The following CPSF4 variants were observed in gnomAD, a reference collection of about 807,000 sequenced individuals.
CPSF4 encodes the protein cleavage and polyadenylation specificity factor subunit 4.
In CPSF4, 11 loss-of-function variants were observed where a neutral mutation model predicts 37.7. The ratio of observed to expected loss-of-function variants is 0.29; its 90% CI spans 0.18 to 0.48. CPSF4 has a LOEUF of 0.48. Among genes scored for constraint, CPSF4 ranks in the 20% least tolerant of loss-of-function variants. The probability of loss-of-function intolerance (pLI) is 0.99; values close to 1 mark genes in which losing one functional copy is unlikely to be tolerated. For missense variants in CPSF4, 144 were observed against 359.5 expected (o/e 0.40, Z 4.85); for synonymous variants, 132 against 135.9 (o/e 0.97, Z 0.20).
chr7:99,452,137 G>A (rs1030050544), intron 5 of CPSF4, among the ~76,000 whole-genome samples: 1 of 152,096 alleles, frequency 6.6e-6, no homozygotes, highest in African/African-American at 2.4e-5. Flanking sequence ...GGTTGGGTCT[G>A]AGCCCAGGCA....
chr7:99,440,674 A>ATATATATTT lies in CPSF4; in HGVS notation c.103+1490_103+1491insATATATTTT. On this transcript the variant is annotated intron_variant, in intron 1 of 7. Coordinates refer to ENST00000292476, the MANE Select transcript of CPSF4 (RefSeq NM_006693.4). The stretch of plus-strand genomic sequence containing the variant: ...ACCTGGCATATATATATATATATAT[A>ATATATATTT]TTTTTTTTTTTTTTTTTTTCCTGCC... Among the ~76,000 whole-genome samples, 302 of 88,050 alleles carry ATATATATTT rather than the reference A, an allele frequency of 3.4e-3. 15 individuals are homozygous for ATATATATTT. Among genetic ancestry groups the ATATATATTT allele is most frequent in the African/African-American group, 0.027 (281 of 10,274 alleles). The allele number at this position is 88,050 out of a possible 152,430, so 57.8% of individuals were successfully genotyped here.
chr7:99,442,536 G>T (rs1278698723), intron 1 of CPSF4, among the ~76,000 whole-genome samples: 1 of 150,486 alleles, frequency 6.6e-6, no homozygotes, highest in Non-Finnish European at 1.5e-5. Context: ...GGTGCCTGTA[G>T]TCCCAGCTAC....
rs779938093 is a variant in CPSF4 at position 99,456,993 on chromosome 7, A to G, written c.*493A>G. ...TTGAATGAGGGAGCCCTTTGGGGCA[A>G]ATTCAGGTGCCCCCATTGCCTCAGG... On this transcript the variant is annotated 3_prime_UTR_variant, in exon 8 of 8. Coordinates refer to ENST00000292476, the MANE Select transcript of CPSF4 (RefSeq NM_006693.4). 3.1e-5 allele frequency: 8 copies of G among 258,808 alleles called. No homozygotes were observed. The highest frequency in any genetic ancestry group is 9.7e-5 in the Admixed American group (2 of 20,650). 16.0% of individuals were successfully genotyped at this position (258,808 alleles called of 1,614,324 possible).
Position 99,448,539 on chromosome 7 carries a change from A to C in CPSF4, c.307+266A>C, listed in dbSNP as rs903199527. 4.0e-5 allele frequency: 13 copies of C among 321,786 alleles called. No homozygotes were observed. Among genetic ancestry groups the C allele is most frequent in the Non-Finnish European group, 7.3e-5 (13 of 178,680 alleles). 19.9% of individuals were successfully genotyped at this position (321,786 alleles called of 1,614,324 possible). ...GGTCTTGAACTCCTGGGCTCGAGTG[A>C]TCTGCCTGCCTCAGCCTCCCAAAGT... On this transcript the variant is annotated intron_variant, in intron 3 of 7. Transcript: ENST00000292476. This position sits in a 1 kb window ranked among gnomAD's most constrained non-coding sequence, Gnocchi z 4.4.
At chr7:99,439,214 A>G in intron 1 of CPSF4, 29 bp downstream of exon 1, 1 of 1,530,878 alleles carries the variant, frequency 6.5e-7, no homozygotes, top group East Asian at 2.4e-5. Flanking sequence ...CGGGAGGGCA[A>G]GAGCGACTCG....
intron 5 of CPSF4, chr7:99,451,039 T>C (rs1797895447): frequency 2.2e-6 from 1 of 459,212 alleles, no homozygotes; most frequent in East Asian, 3.4e-5. Context: ...GGTAATGTAA[T>C]GGAAGCTGTG....
chr7:99,440,675 T>TATATATATATATATA (rs1491236759), intron 1 of CPSF4, among the ~76,000 whole-genome samples: 50 of 74,776 alleles, frequency 6.7e-4, no homozygotes, highest in East Asian at 2.3e-3. Flanking sequence ...TATATATATA[T>TATATATATATATATA]TTTTTTTTTT....
Position 99,441,696 on chromosome 7 carries a change from T to C in CPSF4, c.103+2511T>C, listed in dbSNP as rs576235037. Among the ~76,000 whole-genome samples, 217 of 151,972 alleles carry C rather than the reference T, an allele frequency of 1.4e-3. 1 individual carries two copies. The highest frequency in any genetic ancestry group is 6.8e-3 in the Middle Eastern group (2 of 294). The stretch of plus-strand genomic sequence containing the variant: ...GACCAGAAGTACTTTCAGAATTTTT[T>C]TTTTCTTTTTTTTTGAGACAGAGTC... On this transcript the variant is annotated intron_variant, in intron 1 of 7. Coordinates refer to ENST00000292476, the MANE Select transcript of CPSF4 (RefSeq NM_006693.4).
chr7:99,453,768 A>C lies in CPSF4; in HGVS notation c.571-198A>C. On this transcript the variant is annotated intron_variant, in intron 6 of 7. Transcript: ENST00000292476. The surrounding 1 kb of genome is among the most constrained non-coding windows in gnomAD (Gnocchi z 4.7). Reference sequence around the variant, plus strand: ...TTATTTTTCGTTTTTGTGTGTCTGCATGGTGTTTTTCGGGCAGTGGCTTCT... The same window carrying C: ...TTATTTTTCGTTTTTGTGTGTCTGCCTGGTGTTTTTCGGGCAGTGGCTTCT... 1.7e-6 allele frequency: 1 copy of C among 594,002 alleles called. No individual in the cohort carries two copies. Among genetic ancestry groups the C allele is most frequent in the Non-Finnish European group, 3.0e-6 (1 of 335,720 alleles). 36.8% of individuals were successfully genotyped at this position (594,002 alleles called of 1,614,324 possible).
At chr7:99,450,122 G>A (rs948192241) in intron 3 of CPSF4, among the ~76,000 whole-genome samples, 154 bp from the exon 4 acceptor site, 3 of 152,152 alleles carry the variant, frequency 2.0e-5, no homozygotes, top group African/African-American at 7.2e-5. Context: ...TCACAGCTCC[G>A]CTGCACAGGA....
Position 99,448,500 on chromosome 7 carries a change from A to G in CPSF4, c.307+227A>G, listed in dbSNP as rs1339962534. On this transcript the variant is annotated intron_variant, in intron 3 of 7. Transcript: ENST00000292476. The surrounding 1 kb of genome is among the most constrained non-coding windows in gnomAD (Gnocchi z 4.4). Reference sequence around the variant, plus strand: ...TTTTTTAAAGACATAGGGTCTCGCTATGTTTCACATACTGGTCTTGAACTC... The same window carrying G: ...TTTTTTAAAGACATAGGGTCTCGCTGTGTTTCACATACTGGTCTTGAACTC... The G allele has an allele frequency of 4.5e-6, 2 of 443,140 alleles. No individual in the cohort carries two copies. Among genetic ancestry groups the G allele is most frequent in the Non-Finnish European group, 7.8e-6 (2 of 257,908 alleles). The allele number at this position is 443,140 out of a possible 1,614,324, so 27.5% of individuals were successfully genotyped here. A position where few individuals can be genotyped will look rare whatever the true frequency, so the allele number is the denominator to read the frequency against.
At chr7:99,445,089 G>A (rs936511178) in intron 2 of CPSF4, among the ~76,000 whole-genome samples, 1 of 152,222 alleles carries the variant, frequency 6.6e-6, no homozygotes, top group Non-Finnish European at 1.5e-5. Context: ...AAGCTGACCT[G>A]TGACATGGAG....
At chr7:99,450,865 C>G (rs776326561) in intron 5 of CPSF4, 70 bp downstream of exon 5, 25 of 1,078,952 alleles carry the variant, frequency 2.3e-5, no homozygotes, top group Non-Finnish European at 3.5e-5. Context: ...CGTATCTTCC[C>G]TGGGCCAACT....
intron 1 of CPSF4, among the ~76,000 whole-genome samples, chr7:99,442,416 G>A (rs1379883477): frequency 6.6e-6 from 1 of 151,952 alleles, no homozygotes; most frequent in Non-Finnish European, 1.5e-5. Context: ...CAGCACTTTG[G>A]GAGGCCGAGG....
Position 99,453,938 on chromosome 7 carries a change from T to C in CPSF4, c.571-28T>C. 4 of 1,609,392 alleles carry C rather than the reference T, an allele frequency of 2.5e-6. No individual in the cohort carries two copies. The highest frequency in any genetic ancestry group is 3.4e-6 in the Non-Finnish European group (4 of 1,176,408). On this transcript the variant is annotated intron_variant, in intron 6 of 7. Coordinates refer to ENST00000292476, the MANE Select transcript of CPSF4 (RefSeq NM_006693.4). The surrounding 1 kb of genome is among the most constrained non-coding windows in gnomAD (Gnocchi z 4.7). ...GTCTGCGTGCACGTGTTTTCCACAGTAAAACCGTGTTGTGTAACTCTTTCC... is the reference window on the plus strand; with the variant it reads ...GTCTGCGTGCACGTGTTTTCCACAGCAAAACCGTGTTGTGTAACTCTTTCC...
At chr7:99,451,354 C>T (rs1797920838) in intron 5 of CPSF4, among the ~76,000 whole-genome samples, 2 of 152,222 alleles carry the variant, frequency 1.3e-5, no homozygotes, top group African/African-American at 2.4e-5. Flanking sequence ...CGCCTGTAAT[C>T]CCATAACTTT....
At chr7:99,450,240 C>T (rs776422185) in intron 3 of CPSF4, 36 bp from the exon 4 acceptor site, 119 of 1,543,046 alleles carry the variant, frequency 7.7e-5, no homozygotes, top group Middle Eastern at 5.0e-4. Context: ...CTGGCCCCGG[C>T]CTTCCCAGTG....
intron 2 of CPSF4, among the ~76,000 whole-genome samples, chr7:99,445,332 T>C (rs966012925): frequency 6.6e-6 from 1 of 151,940 alleles, no homozygotes; most frequent in Non-Finnish European, 1.5e-5. Flanking sequence ...GAGAATCCCT[T>C]GAACCAGGGA....
At chr7:99,452,602 A>C (rs1448636744) in intron 6 of CPSF4, 162 bp downstream of exon 6, 1 of 642,590 alleles carries the variant, frequency 1.6e-6, no homozygotes, top group Non-Finnish European at 2.8e-6. Flanking sequence ...AAAGCCGTGT[A>C]TATCTCCCTC....
Sources: gnomAD v4.1 joint callset for allele counts (sites outside exome capture counted in the v4.1 genomes callset) on GRCh38, gnomAD v4.1.1 for gene constraint, Gnocchi (gnomAD v3.1) non-coding constraint, MANE v1.5 for transcripts, NCBI Gene and HGNC (gene_info 2026-07-23, HGNC 2026-07-21) for gene names.